Variants in PACRG observed in about 807,000 individuals in gnomAD.
The protein encoded by PACRG is parkin coregulated gene protein.
In PACRG, 29 loss-of-function variants were observed where a neutral mutation model predicts 29.7. The ratio of observed to expected loss-of-function variants is 0.98; its 90% CI spans 0.73 to 1.33. PACRG has a LOEUF of 1.33. PACRG is among the 40% of genes most tolerant of loss of function. The pLI, the probability that PACRG is intolerant of heterozygous loss-of-function variation, is 0.00. For missense variants in PACRG, 279 were observed against 316.2 expected, an observed-to-expected ratio of 0.88 and a Z score of 0.89; for synonymous variants, 116 against 118.7, an observed-to-expected ratio of 0.98 and a Z score of 0.15.
intron 2 of PACRG, among the ~76,000 whole-genome samples, chr6:162,880,963 CTCTG>C (rs1293560064): frequency 1.3e-5 from 2 of 152,210 alleles, no homozygotes; most frequent in South Asian, 2.1e-4. Context: ...CAGAGCCACG[CTCTG>C]TCTGTACATT....
chr6:162,727,772 C>G (rs1352937670), upstream of PACRG: 1 of 1,209,986 alleles, frequency 8.3e-7, no homozygotes, highest in Non-Finnish European at 1.2e-6. Context: ...ATCCTCCAGG[C>G]CTCCCCGCCC....
chr6:163,089,150 T>C, intron 3 of PACRG, 109 bp from the exon 4 acceptor site: 1 of 1,144,704 alleles, frequency 8.7e-7, no homozygotes, highest in Non-Finnish European at 1.2e-6. Context: ...TGGTCCCCAG[T>C]AGAGCACAGT....
chr6:163,197,027 G>A (rs1168140902), intron 4 of PACRG, among the ~76,000 whole-genome samples: 2 of 152,112 alleles, frequency 1.3e-5, no homozygotes, highest in African/African-American at 4.8e-5. Flanking sequence ...ATAAATATAT[G>A]AAGGAGGGAG....
chr6:163,096,845 T>C (rs184726011), intron 4 of PACRG, among the ~76,000 whole-genome samples: 61 of 152,328 alleles, frequency 4.0e-4, no homozygotes, highest in African/African-American at 1.4e-3. Context: ...TTTAAGTTAA[T>C]ATCATAATTA....
chr6:162,768,213 A>G (rs1366317293), intron 1 of PACRG, among the ~76,000 whole-genome samples: 1 of 152,114 alleles, frequency 6.6e-6, no homozygotes, highest in Non-Finnish European at 1.5e-5. Flanking sequence ...CATTTCTGAA[A>G]GATAAATATT....
At chr6:162,727,760 A>G, upstream of PACRG, 1 of 1,370,680 alleles carries the variant, frequency 7.3e-7, no homozygotes. Flanking sequence ...CTCCTGGGTT[A>G]AATCCTCCAG....
intron 4 of PACRG, among the ~76,000 whole-genome samples, chr6:163,275,151 G>A (rs948392632): frequency 3.9e-5 from 6 of 152,016 alleles, no homozygotes; most frequent in Non-Finnish European, 4.4e-5. Context: ...TGGTATTACA[G>A]GCATGAGCCA....
chr6:163,282,726 A>G (rs1314624383), intron 4 of PACRG, among the ~76,000 whole-genome samples: 1 of 152,090 alleles, frequency 6.6e-6, no homozygotes, highest in Non-Finnish European at 1.5e-5. Context: ...AAAAAAAAAA[A>G]AAGAAAAGAA....
intron 2 of PACRG, among the ~76,000 whole-genome samples, chr6:162,998,789 T>C (rs965817881): frequency 6.6e-6 from 1 of 152,242 alleles, no homozygotes; most frequent in African/African-American, 2.4e-5. Context: ...ATCCTATATG[T>C]TATATGATAC....
At chr6:163,180,874 G>A (rs1056311205) in intron 4 of PACRG, among the ~76,000 whole-genome samples, 4 of 152,202 alleles carry the variant, frequency 2.6e-5, no homozygotes, top group Non-Finnish European at 4.4e-5. Flanking sequence ...ACCAGGCACC[G>A]AGCGTTGTGT....
chr6:162,768,759 C>G (rs1782990216), intron 1 of PACRG, among the ~76,000 whole-genome samples: 2 of 151,970 alleles, frequency 1.3e-5, no homozygotes, highest in Admixed American at 6.6e-5. Flanking sequence ...TTCTAAAATG[C>G]CTTTGAACCT....
intron 2 of PACRG, among the ~76,000 whole-genome samples, chr6:162,850,039 A>G (rs1203874917): frequency 1.3e-5 from 2 of 152,222 alleles, no homozygotes; most frequent in African/African-American, 4.8e-5. Context: ...TAGAATCACA[A>G]AGCAGCAGCA....
At chr6:163,182,803 G>A (rs1365691807) in intron 4 of PACRG, 3 of 152,296 alleles carry the variant, frequency 2.0e-5, no homozygotes, top group Middle Eastern at 3.4e-3. Context: ...TCCGGGCCAC[G>A]GAGGTGTACT....
At chr6:163,148,857 C>G (rs1465250134) in intron 4 of PACRG, among the ~76,000 whole-genome samples, 6 of 151,338 alleles carry the variant, frequency 4.0e-5, no homozygotes, top group Non-Finnish European at 7.4e-5. Context: ...CCACTGGTAA[C>G]TTACACTTGG....
chr6:163,201,738 G>A (rs1246869628), intron 4 of PACRG, among the ~76,000 whole-genome samples: 3 of 152,232 alleles, frequency 2.0e-5, no homozygotes, highest in East Asian at 1.9e-4. Context: ...CCTCACCTGC[G>A]CAATTAGGTA....
chr6:163,133,299 TGTA>T (rs1197545968), intron 4 of PACRG, among the ~76,000 whole-genome samples: 1 of 152,212 alleles, frequency 6.6e-6, no homozygotes, highest in Non-Finnish European at 1.5e-5. Flanking sequence ...ATCTGGGAAA[TGTA>T]GTTCATCAAA....
At chr6:163,131,848 C>A (rs2128329569) in intron 4 of PACRG, among the ~76,000 whole-genome samples, 1 of 152,308 alleles carries the variant, frequency 6.6e-6, no homozygotes, top group African/African-American at 2.4e-5. Flanking sequence ...ATAACCCCTA[C>A]CACAATACTT....
At chr6:163,208,971 G>A (rs1781024681) in intron 4 of PACRG, among the ~76,000 whole-genome samples, 1 of 152,152 alleles carries the variant, frequency 6.6e-6, no homozygotes, top group African/African-American at 2.4e-5. Context: ...TTCTTTAAAA[G>A]GAGATCTCAC....
In PACRG at chr6:163,070,831, C is replaced by T. The variant is rs541435612; in HGVS notation, c.463+8510C>T. Among the ~76,000 whole-genome samples the T allele has an allele frequency of 9.3e-4, 140 of 150,144 alleles. 3 individuals carry two copies. Among genetic ancestry groups the T allele is most frequent in the African/African-American group, 2.9e-3 (119 of 41,006 alleles). On this transcript the variant is annotated intron_variant, in intron 3 of 4. Coordinates refer to ENST00000366888, the MANE Select transcript of PACRG (RefSeq NM_001080379.2). ...AACACACTTCACTTAGGAAGACACA[C>T]GTAGACTGAAAATAAAGAGATGGAA...
Sources: gnomAD v4.1 joint callset for allele counts (sites outside exome capture counted in the v4.1 genomes callset) on GRCh38, gnomAD v4.1.1 for gene constraint, MANE v1.5 for transcripts, NCBI Gene and HGNC (gene_info 2026-07-23, HGNC 2026-07-21) for gene names.